SAMD14: variants seen among roughly 807,000 people sequenced by gnomAD.
SAMD14 encodes the protein sterile alpha motif domain containing 14.
In SAMD14, 27 loss-of-function variants were observed where a neutral mutation model predicts 46.2. The observed-to-expected ratio is 0.58, with a 90% confidence interval of 0.43 to 0.81. The LOEUF is 0.81. Among genes scored for constraint, SAMD14 ranks in the 30% least tolerant of loss-of-function variants. The pLI is 0.00. For missense variants in SAMD14, 559 were observed against 582.2 expected, an observed-to-expected ratio of 0.96 and a Z score of 0.41; for synonymous variants, 241 against 254.3, an observed-to-expected ratio of 0.95 and a Z score of 0.50.
intron 1 of SAMD14, among the ~76,000 whole-genome samples, chr17:50,128,731 C>T (rs1409743840): frequency 2.0e-5 from 3 of 151,800 alleles, no homozygotes; most frequent in African/African-American, 7.3e-5. Context: ...GGAGCGGGAG[C>T]GGAAGGAAGT....
At chr17:50,123,002 A>G (rs1911575139) in intron 2 of SAMD14, among the ~76,000 whole-genome samples, 1 of 152,178 alleles carries the variant, frequency 6.6e-6, no homozygotes, top group African/African-American at 2.4e-5. Flanking sequence ...CAGAATCTCC[A>G]GGCACTGCCT....
chr17:50,125,075 T>C lies in SAMD14; in HGVS notation c.-12-104A>G, dbSNP rs538726649. On this transcript the variant is annotated intron_variant, in intron 1 of 9. Coordinates refer to ENST00000330175, the MANE Select transcript of SAMD14 (RefSeq NM_001257359.2). ...GGAAGGCTACCTGCTCCAGGCCTGT[T>C]GGCCCCTCCCCTTACCTTAGAACCC... The C allele has an allele frequency of 1.7e-5, 17 of 997,480 alleles. No homozygotes were observed. The South Asian group carries it at 2.1e-4, about 12-fold the overall frequency. 61.8% of individuals were successfully genotyped at this position (997,480 alleles called of 1,614,324 possible).
rs1910772056 is a variant in SAMD14 at position 50,110,454 on chromosome 17, A to C, written c.*2439T>G. ...GGTCCCCCTCAGCACCCTCCACAGC[A>C]CAGGCCTTCCAAGTGGATGTCCCGT... On this transcript the variant is annotated 3_prime_UTR_variant, in exon 10 of 10. Coordinates refer to ENST00000330175, the MANE Select transcript of SAMD14 (RefSeq NM_001257359.2). 5.6e-6 allele frequency: 1 copy of C among 177,066 alleles called. No individual in the cohort carries two copies. The highest frequency in any genetic ancestry group is 2.3e-5 in the African/African-American group (1 of 42,578). 11.0% of individuals were successfully genotyped at this position (177,066 alleles called of 1,614,324 possible).
At chr17:50,114,412 G>T in intron 7 of SAMD14, 106 bp from the exon 8 acceptor site, 1 of 1,613,852 alleles carries the variant, frequency 6.2e-7, no homozygotes, top group Non-Finnish European at 8.5e-7. Context: ...GTTGCTCAGT[G>T]CCTCCTGTGC....
chr17:50,117,235 TGGCACTTA>T (rs1567719807), intron 4 of SAMD14, among the ~76,000 whole-genome samples, 164 bp downstream of exon 4: 1 of 152,244 alleles, frequency 6.6e-6, no homozygotes, highest in Non-Finnish European at 1.5e-5. Flanking sequence ...CCACAGGATC[TGGCACTTA>T]GTAGGCGCTC....
chr17:50,110,040 C>T lies in SAMD14; in HGVS notation c.*2853G>A, dbSNP rs1224917871. 10 of 1,610,582 alleles carry T rather than the reference C, an allele frequency of 6.2e-6. No individual in the cohort carries two copies. The highest frequency in any genetic ancestry group is 1.3e-5 in the African/African-American group (1 of 74,884). On this transcript the variant is annotated 3_prime_UTR_variant, in exon 10 of 10. Coordinates refer to ENST00000330175, the MANE Select transcript of SAMD14 (RefSeq NM_001257359.2). ...ACTACCAGACCATCCAGGAGGCCGG[C>T]GACTGGTGTGTGCCCAGCACGGAGC...
rs994712489 is a variant in SAMD14, at chr17:50,112,219, AGAG to A, written c.*671_*673del. ...TCTCGCCCCCTGGGACCCACAGGAC[AGAG>A]GAGGGGAGAGGGAGAAGGGGATGTT... is the stretch of plus-strand genomic sequence containing the variant. On this transcript the variant is annotated 3_prime_UTR_variant, in exon 10 of 10. Coordinates refer to ENST00000330175, the MANE Select transcript of SAMD14 (RefSeq NM_001257359.2). 6.6e-6 allele frequency: 1 copy of A among 152,134 alleles called. No individual in the cohort carries two copies. Among genetic ancestry groups the A allele is most frequent in the Non-Finnish European group, 1.5e-5 (1 of 68,044 alleles). 9.4% of individuals were successfully genotyped at this position (152,134 alleles called of 1,614,324 possible).
chr17:50,118,472 A>C, intron 2 of SAMD14, 145 bp from the exon 3 acceptor site: 1 of 963,816 alleles, frequency 1.0e-6, no homozygotes, highest in South Asian at 1.7e-5. Flanking sequence ...GATGAAAAAC[A>C]GGGTGTCTCC....
At position 50,112,760 on chromosome 17, in the gene SAMD14, G is replaced by C. The variant is rs1567716952; in HGVS notation, c.*133C>G. 1 of 1,060,012 alleles carries C rather than the reference G, an allele frequency of 9.4e-7. No individual in the cohort carries two copies. Among genetic ancestry groups the C allele is most frequent in the Non-Finnish European group, 1.3e-6 (1 of 745,568 alleles). The allele number at this position is 1,060,012 out of a possible 1,614,324, so 65.7% of individuals were successfully genotyped here. A position where few individuals can be genotyped will look rare whatever the true frequency, so the allele number is the denominator to read the frequency against. ...CTAGACCAAGTGACAGGGTAAGAGA[G>C]AGCATGTCCCCCCTGAGAGCGTGGG... On this transcript the variant is annotated 3_prime_UTR_variant, in exon 10 of 10. Transcript: ENST00000330175.
chr17:50,112,936 C>A lies in SAMD14; in HGVS notation c.1211G>T (p.Arg404Leu). ...CTGCTCTCGGCGCCGGAGCTTCTCC[C>A]GCTGCCGCGCAGCCTTCTCCTGGGC... ...RKAQEKAARQ[R>L]EKLRRREQEA... Residue 404 changes from arginine to leucine, a missense_variant, in exon 10 of 10, where the codon CGG becomes CTG. Arg to Leu is a moderately radical substitution (Grantham distance 102). Transcript: ENST00000330175. 1 of 1,609,000 alleles carries A rather than the reference C, an allele frequency of 6.2e-7. No individual in the cohort carries two copies. The highest frequency in any genetic ancestry group is 8.5e-7 in the Non-Finnish European group (1 of 1,179,944).
chr17:50,117,274 C>T (rs1331588134), intron 4 of SAMD14, 133 bp downstream of exon 4: 4 of 842,858 alleles, frequency 4.7e-6, no homozygotes, highest in Admixed American at 4.3e-5. Context: ...GAGTGAGCGG[C>T]GGCGTTTACT....
chr17:50,124,949 G>A lies in SAMD14; in HGVS notation c.11C>T (p.Ser4Leu). 1 of 1,614,076 alleles carries A rather than the reference G, an allele frequency of 6.2e-7. No individual in the cohort carries two copies. The highest frequency in any genetic ancestry group is 8.5e-7 in the Non-Finnish European group (1 of 1,179,988). The change falls in exon 2 of 10, where the codon TCA becomes TTA. Residue 4 changes from serine (S) to leucine (L), a missense_variant. Transcript: ENST00000330175. ...TTCATCCACGGGTTCTCGGAGCTTT[G>A]AAGAAGCCATGACTCAAGAGAGCTG... MAS[S>L]KLREPVDEVF...
In SAMD14 at chr17:50,118,251, C is replaced by T; in HGVS notation, c.120G>A (p.Lys40=). Residue 40 remains lysine (K), a synonymous_variant, in exon 3 of 10, where the codon AAG becomes AAA. Coordinates refer to ENST00000330175, the MANE Select transcript of SAMD14 (RefSeq NM_001257359.2). ...AGCGGGATGGCCGGTGTCTCCGGCC[C>T]TTGGCCAACAGTTGGGCCCGGGCCT... is the stretch of plus-strand genomic sequence containing the variant. ...LHKARAQLLA[K]GRRHRPSRSR... is the part of the protein sequence containing the mutation. 2 of 1,613,986 alleles carry T rather than the reference C, an allele frequency of 1.2e-6. No individual in the cohort carries two copies. The highest frequency in any genetic ancestry group is 1.7e-6 in the Non-Finnish European group (2 of 1,179,974).
At chr17:50,119,642 C>T (rs771935415) in intron 2 of SAMD14, among the ~76,000 whole-genome samples, 4 of 152,148 alleles carry the variant, frequency 2.6e-5, no homozygotes, top group African/African-American at 7.2e-5. Flanking sequence ...CAAAATGAAC[C>T]GATCATGTAA....
At chr17:50,123,504 A>G (rs1324779782) in intron 2 of SAMD14, 2 of 152,858 alleles carry the variant, frequency 1.3e-5, no homozygotes, top group African/African-American at 4.8e-5. Flanking sequence ...TCTGGGCCAT[A>G]TCAGCACCAT....
chr17:50,124,788 C>G, intron 2 of SAMD14, 129 bp downstream of exon 2: 1 of 894,352 alleles, frequency 1.1e-6, no homozygotes, highest in Non-Finnish European at 1.9e-6. Flanking sequence ...CACACACACA[C>G]ACACACACAC....
At chr17:50,123,228 G>A (rs1911586096) in intron 2 of SAMD14, among the ~76,000 whole-genome samples, 1 of 152,238 alleles carries the variant, frequency 6.6e-6, no homozygotes. Flanking sequence ...CAGGGTTACA[G>A]ACAGACGGTC....
Position 50,110,136 on chromosome 17 carries a change from G to T in SAMD14, c.*2757C>A. 6.5e-7 allele frequency: 1 copy of T among 1,543,510 alleles called. No homozygotes were observed. On this transcript the variant is annotated 3_prime_UTR_variant, in exon 10 of 10. Transcript: ENST00000330175. ...TCTGCACCTGAGAGGACGGACTGCC[G>T]CCTCTGGGTCCCCCCACCGTGGTGC... is the stretch of plus-strand genomic sequence containing the variant.
chr17:50,130,144 C>T lies in SAMD14; in HGVS notation c.-640G>A, dbSNP rs1345043193. Among the ~76,000 whole-genome samples, 1 of 151,986 alleles carries T rather than the reference C, an allele frequency of 6.6e-6. No individual in the cohort carries two copies. Among genetic ancestry groups the T allele is most frequent in the Non-Finnish European group, 1.5e-5 (1 of 67,960 alleles). On this transcript the variant is annotated 5_prime_UTR_variant, in exon 1 of 10. Transcript: ENST00000330175. The surrounding 1 kb of genome is among the most constrained non-coding windows in gnomAD (Gnocchi z 4.1). ...GCGGAGTTGCAGCTACTTCTCTGCC[C>T]GCGGGAGACGCGGCGCACCGGAGTC...
Sources: gnomAD v4.1 joint callset for allele counts (sites outside exome capture counted in the v4.1 genomes callset) on GRCh38, gnomAD v4.1.1 for gene constraint, Gnocchi (gnomAD v3.1) non-coding constraint, MANE v1.5 for transcripts, NCBI Gene and HGNC (gene_info 2026-07-23, HGNC 2026-07-21) for gene names.